Variants in FANCB observed in about 807,000 individuals in gnomAD.
FANCB encodes Fanconi anemia group B protein.
A neutral mutation model predicts 38.9 loss-of-function variants in FANCB; 5 were observed. The ratio of observed to expected loss-of-function variants is 0.13; its 90% CI spans 0.07 to 0.27. The LOEUF is 0.27. FANCB is among the 10% of genes least tolerant of loss of function. FANCB has a pLI of 1.00. For missense variants in FANCB, 573 were observed against 602.7 expected, an observed-to-expected ratio of 0.95 and a Z score of 0.52; for synonymous variants, 236 against 215.4, an observed-to-expected ratio of 1.10 and a Z score of -0.84.
At chrX:14,861,287 G>C (rs887393338) in intron 3 of FANCB, among the ~76,000 whole-genome samples, 3 of 112,095 alleles carry the variant, frequency 2.7e-5, no homozygotes, top group African/African-American at 9.7e-5. Context: ...AGTTAATCAT[G>C]TATTCCTTTA....
At chrX:14,808,697 C>G in the FANCB span, among the ~76,000 whole-genome samples, 1 of 111,970 alleles carries the variant, frequency 8.9e-6, no homozygotes, top group African/African-American at 3.3e-5. Flanking sequence ...CAACATAGTA[C>G]TGGAAATCCT....
At chrX:14,809,570 G>A in the FANCB span, among the ~76,000 whole-genome samples, 177 of 112,147 alleles carry the variant, frequency 1.6e-3, no homozygotes, top group African/African-American at 4.7e-3. Flanking sequence ...ACGGAGTCTC[G>A]CTGAATGCTA....
the FANCB span, among the ~76,000 whole-genome samples, chrX:14,803,585 T>G: frequency 8.9e-6 from 1 of 112,273 alleles, no homozygotes; most frequent in African/African-American, 3.2e-5. Context: ...GAAATTACAT[T>G]TCGAAATGCC....
the FANCB span, among the ~76,000 whole-genome samples, chrX:14,775,069 T>C: frequency 9.2e-6 from 1 of 109,069 alleles, no homozygotes; most frequent in South Asian, 4.0e-4. Context: ...CCTGACCTCA[T>C]GATCTGCCCG....
chrX:14,794,025 G>A, the FANCB span, among the ~76,000 whole-genome samples: 13 of 111,650 alleles, frequency 1.2e-4, no homozygotes, highest in African/African-American at 3.9e-4. Context: ...TTGTTTGTTT[G>A]TCTGGTTTTT....
At chrX:14,790,904 C>T in the FANCB span, among the ~76,000 whole-genome samples, 26 of 110,781 alleles carry the variant, frequency 2.3e-4, 1 homozygote, top group East Asian at 6.6e-3. Context: ...AGGACTCAGT[C>T]GCACCAGGAC....
the FANCB span, among the ~76,000 whole-genome samples, chrX:14,736,264 C>T: frequency 9.1e-6 from 1 of 110,309 alleles, no homozygotes; most frequent in Admixed American, 9.6e-5. Context: ...TGCTGGCATT[C>T]CAGGCACCAC....
the FANCB span, among the ~76,000 whole-genome samples, chrX:14,705,124 G>C: frequency 8.9e-6 from 1 of 112,127 alleles, no homozygotes; most frequent in Non-Finnish European, 1.9e-5. Context: ...AATTAAATAG[G>C]TAATGAAAAC....
chrX:14,859,949 C>T (rs1202634082), intron 3 of FANCB, among the ~76,000 whole-genome samples: 1 of 111,375 alleles, frequency 9.0e-6, no homozygotes, highest in Non-Finnish European at 1.9e-5. Context: ...GAGGGGAATA[C>T]AGCTAGTATC....
At chrX:14,759,644 TAC>T in the FANCB span, among the ~76,000 whole-genome samples, 3 of 111,098 alleles carry the variant, frequency 2.7e-5, no homozygotes, top group East Asian at 2.8e-4. Context: ...AAAGGAAAGA[TAC>T]AGTCTTTAAT....
chrX:14,740,952 A>G, the FANCB span, among the ~76,000 whole-genome samples: 2 of 110,249 alleles, frequency 1.8e-5, no homozygotes, highest in African/African-American at 6.6e-5. Context: ...TCTAATACAC[A>G]AACACATGCA....
the FANCB span, among the ~76,000 whole-genome samples, chrX:14,727,958 G>T: frequency 2.7e-5 from 3 of 112,152 alleles, no homozygotes; most frequent in Non-Finnish European, 5.6e-5. Flanking sequence ...ACAATTAATG[G>T]TTGAATTAAA....
chrX:14,794,878 C>T, the FANCB span, among the ~76,000 whole-genome samples: 3 of 112,021 alleles, frequency 2.7e-5, no homozygotes, highest in Non-Finnish European at 3.8e-5. Context: ...ATAAAAGGTG[C>T]GACTGAGAAG....
the FANCB span, among the ~76,000 whole-genome samples, chrX:14,769,990 G>A: frequency 9.1e-6 from 1 of 110,272 alleles, no homozygotes; most frequent in Non-Finnish European, 1.9e-5. Context: ...TCTTGAGTAT[G>A]TTGTGAACTG....
chrX:14,857,949 T>C lies in FANCB; in HGVS notation c.1110A>G (p.Glu370=). The C allele has an allele frequency of 9.1e-7, 1 of 1,102,965 alleles. No homozygotes were observed. The allele number at this position is 1,102,965 out of a possible 1,213,427, so 90.9% of individuals were successfully genotyped here. ...AGTCATCTTCATTGCAATCTGATGGTTCACTCTAATAAATAAATAAATAAA... is the reference window on the plus strand; with the variant it reads ...AGTCATCTTCATTGCAATCTGATGGCTCACTCTAATAAATAAATAAATAAA... The part of the protein sequence containing the change: ...TDLGKINYSS[E]PSDCNEDDLF... The change falls in exon 5 of 10, where the codon GAA becomes GAG. Residue 370 remains glutamate, a synonymous_variant. Transcript: ENST00000650831.
At chrX:14,814,898 T>C in the FANCB span, among the ~76,000 whole-genome samples, 4 of 112,204 alleles carry the variant, frequency 3.6e-5, no homozygotes, top group East Asian at 8.4e-4. Context: ...CTATTCATAA[T>C]AGCAAAGACT....
chrX:14,839,405 C>T (rs2092349203), downstream of FANCB, among the ~76,000 whole-genome samples: 2 of 111,515 alleles, frequency 1.8e-5, no homozygotes, highest in South Asian at 7.5e-4. Context: ...ATGGCCCTTA[C>T]ATTTATAATT....
At chrX:14,831,477 T>C (rs1601966990), downstream of FANCB, among the ~76,000 whole-genome samples, 1 of 111,114 alleles carries the variant, frequency 9.0e-6, no homozygotes, top group East Asian at 2.8e-4. Context: ...AATGGGAAAG[T>C]AGGATTGAAG....
chrX:14,693,306 C>T, the FANCB span, among the ~76,000 whole-genome samples: 1 of 111,538 alleles, frequency 9.0e-6, no homozygotes, highest in African/African-American at 3.2e-5. Context: ...CAAACACTAA[C>T]CAAATAAAGC....
Sources: gnomAD v4.1 joint callset for allele counts (sites outside exome capture counted in the v4.1 genomes callset) on GRCh38, gnomAD v4.1.1 for gene constraint, MANE v1.5 for transcripts, NCBI Gene and HGNC (gene_info 2026-07-23, HGNC 2026-07-21) for gene names.